Variants in CTNND2 observed in about 807,000 individuals in gnomAD.
CTNND2 encodes catenin delta 2, also known as catenin delta-2.
CTNND2 carries 22 observed loss-of-function variants against 144.4 expected under a neutral mutation model. That is an observed-to-expected ratio of 0.15 (90% CI 0.11 to 0.22). The LOEUF is 0.22. Among genes scored for constraint, CTNND2 ranks in the 10% least tolerant of loss-of-function variants. The pLI is 1.00. For missense variants in CTNND2, 1,353 were observed against 1,618.8 expected (o/e 0.84, Z 2.82); for synonymous variants, 751 against 695.6 (o/e 1.08, Z -1.25).
At chr5:11,102,805 T>C (rs1368039054) in intron 14 of CTNND2, among the ~76,000 whole-genome samples, 1 of 152,014 alleles carries the variant, frequency 6.6e-6, no homozygotes, top group Non-Finnish European at 1.5e-5. Context: ...GCACAGAGCA[T>C]ACATAATGGC....
intron 10 of CTNND2, among the ~76,000 whole-genome samples, chr5:11,206,633 G>A (rs1003164699): frequency 2.0e-5 from 3 of 152,146 alleles, no homozygotes; most frequent in Non-Finnish European, 4.4e-5. Context: ...AGTGCATTCT[G>A]ACTAAACTCA....
chr5:11,577,974 C>T (rs1049155201), intron 2 of CTNND2, among the ~76,000 whole-genome samples: 4 of 152,126 alleles, frequency 2.6e-5, no homozygotes, highest in African/African-American at 9.7e-5. Flanking sequence ...AGAGCTTTTC[C>T]GTAATTAGGC....
intron 11 of CTNND2, among the ~76,000 whole-genome samples, chr5:11,163,742 T>C (rs965867432): frequency 9.2e-5 from 14 of 152,162 alleles, no homozygotes; most frequent in Admixed American, 7.2e-4. Context: ...ATACAAGATA[T>C]AGCAAGGATG....
chr5:11,555,719 CAG>C (rs1776177828), intron 3 of CTNND2, among the ~76,000 whole-genome samples: 1 of 144,722 alleles, frequency 6.9e-6, no homozygotes, highest in Non-Finnish European at 1.5e-5. Context: ...TAAAAAAAAA[CAG>C]AAATAATGTG....
intron 11 of CTNND2, among the ~76,000 whole-genome samples, chr5:11,194,594 G>C (rs1209047362): frequency 6.6e-6 from 1 of 152,062 alleles, no homozygotes; most frequent in African/African-American, 2.4e-5. Context: ...GACATGCAGA[G>C]AGCTCAGAAA....
intron 5 of CTNND2, among the ~76,000 whole-genome samples, chr5:11,401,151 A>G (rs903349198): frequency 6.6e-6 from 1 of 152,236 alleles, no homozygotes; most frequent in Non-Finnish European, 1.5e-5. Flanking sequence ...AATTTTCTGC[A>G]TAAAAATTCA....
intron 1 of CTNND2, among the ~76,000 whole-genome samples, chr5:11,764,466 A>T (rs1191748448): frequency 2.0e-5 from 3 of 152,134 alleles, no homozygotes; most frequent in Non-Finnish European, 4.4e-5. Flanking sequence ...AAAAAGATAG[A>T]AAACAGTTGA....
At chr5:11,900,076 A>G (rs1357159661) in intron 1 of CTNND2, among the ~76,000 whole-genome samples, 2 of 152,226 alleles carry the variant, frequency 1.3e-5, no homozygotes, top group African/African-American at 4.8e-5. Flanking sequence ...ATAAGAACCC[A>G]ATAAAATGTT....
chr5:11,617,517 C>T (rs185912314), intron 2 of CTNND2, among the ~76,000 whole-genome samples: 11 of 152,286 alleles, frequency 7.2e-5, no homozygotes, highest in African/African-American at 2.2e-4. Context: ...AGAAGTTTTT[C>T]TTCACCTGGT....
At chr5:11,882,498 T>C (rs536369564) in intron 1 of CTNND2, among the ~76,000 whole-genome samples, 33 of 138,658 alleles carry the variant, frequency 2.4e-4, no homozygotes, top group African/African-American at 8.8e-4. Context: ...TCTCAACATA[T>C]ACAAATATAT....
At chr5:11,478,399 A>C (rs1269083511) in intron 3 of CTNND2, among the ~76,000 whole-genome samples, 3 of 152,176 alleles carry the variant, frequency 2.0e-5, no homozygotes, top group African/African-American at 7.2e-5. Context: ...CACTTTCATA[A>C]ACTACTTTCA....
chr5:11,387,230 CT>C (rs1188396977), intron 6 of CTNND2, among the ~76,000 whole-genome samples: 1 of 100,064 alleles, frequency 1.0e-5, no homozygotes, highest in African/African-American at 3.6e-5. Context: ...CCCTGATGGT[CT>C]TTTCAGCATT....
chr5:11,346,691 G>A (rs1382450082), intron 8 of CTNND2, 64 bp from the exon 9 acceptor site: 3 of 1,378,462 alleles, frequency 2.2e-6, no homozygotes, highest in East Asian at 2.7e-5. Context: ...TGGTTAACCA[G>A]GTCTAGGCAG....
chr5:11,837,838 A>C (rs1480540152), intron 1 of CTNND2, among the ~76,000 whole-genome samples: 2 of 152,186 alleles, frequency 1.3e-5, no homozygotes, highest in Non-Finnish European at 2.9e-5. Flanking sequence ...ATATCTACAA[A>C]GTAGTTGGTT....
At chr5:11,341,672 C>T (rs936509856) in intron 9 of CTNND2, among the ~76,000 whole-genome samples, 3 of 152,158 alleles carry the variant, frequency 2.0e-5, no homozygotes, top group Non-Finnish European at 2.9e-5. Context: ...ACTGTTTAAA[C>T]TTTAATATTT....
chr5:11,408,958 T>C (rs1461525247), intron 5 of CTNND2, among the ~76,000 whole-genome samples: 1 of 152,078 alleles, frequency 6.6e-6, no homozygotes, highest in Non-Finnish European at 1.5e-5. Flanking sequence ...GCATTACTAT[T>C]ATCGTATGCA....
intron 18 of CTNND2, among the ~76,000 whole-genome samples, chr5:10,998,619 C>T (rs926693386): frequency 3.3e-5 from 5 of 152,132 alleles, no homozygotes; most frequent in African/African-American, 1.2e-4. Context: ...ACTTTAGTTC[C>T]GATGCCACAT....
chr5:11,058,645 CTG>C (rs1253230405), intron 16 of CTNND2, among the ~76,000 whole-genome samples: 1 of 152,214 alleles, frequency 6.6e-6, no homozygotes, highest in East Asian at 1.9e-4. Flanking sequence ...CCTAGCGGAG[CTG>C]TGAGAAGAGG....
At chr5:11,835,665 T>C (rs1051151735) in intron 1 of CTNND2, among the ~76,000 whole-genome samples, 1 of 152,186 alleles carries the variant, frequency 6.6e-6, no homozygotes, top group African/African-American at 2.4e-5. Flanking sequence ...TATTCCCAGT[T>C]TTGTTGCTAG....
Sources: gnomAD v4.1 joint callset for allele counts (sites outside exome capture counted in the v4.1 genomes callset) on GRCh38, gnomAD v4.1.1 for gene constraint, MANE v1.5 for transcripts, NCBI Gene and HGNC (gene_info 2026-07-23, HGNC 2026-07-21) for gene names.